CEP128: variants seen among roughly 807,000 people sequenced by gnomAD.
The protein encoded by CEP128 is centrosomal protein 128.
A neutral mutation model predicts 156.7 loss-of-function variants in CEP128; 132 were observed. The ratio of observed to expected loss-of-function variants is 0.84; its 90% CI spans 0.73 to 0.97. The LOEUF is 0.97. Ranked by LOEUF, CEP128 falls within the 50% of genes least tolerant of loss-of-function variation. CEP128 has a pLI of 0.00. For synonymous variants in CEP128, 469 were observed against 448.9 expected (o/e 1.04, Z -0.57); for missense variants, 1,252 against 1,281.9 (o/e 0.98, Z 0.36).
chr14:80,663,049 T>C (rs1566841893), intron 19 of CEP128, among the ~76,000 whole-genome samples: 1 of 152,226 alleles, frequency 6.6e-6, no homozygotes, highest in Non-Finnish European at 1.5e-5. Context: ...ATTCTATCAC[T>C]GTATTATGTT....
chr14:80,713,576 C>T (rs1897491679), intron 19 of CEP128, among the ~76,000 whole-genome samples: 1 of 151,982 alleles, frequency 6.6e-6, no homozygotes, highest in African/African-American at 2.4e-5. Context: ...TATACAGCAA[C>T]ACATACAAAG....
chr14:80,520,883 C>T (rs551936566), intron 23 of CEP128, among the ~76,000 whole-genome samples: 1 of 152,044 alleles, frequency 6.6e-6, no homozygotes, highest in East Asian at 1.9e-4. Flanking sequence ...AGTGCAGTGG[C>T]ACGATCTCGG....
At chr14:80,875,801 G>A (rs1375789020) in intron 8 of CEP128, among the ~76,000 whole-genome samples, 2 of 152,124 alleles carry the variant, frequency 1.3e-5, no homozygotes, top group Admixed American at 6.5e-5. Flanking sequence ...TTTAAAATAT[G>A]TTCTTAAGGT....
At chr14:80,897,448 T>C (rs993020143) in intron 7 of CEP128, among the ~76,000 whole-genome samples, 9 of 152,206 alleles carry the variant, frequency 5.9e-5, no homozygotes, top group African/African-American at 2.2e-4. Flanking sequence ...AGCTCCATAG[T>C]AAATATCCAG....
chr14:80,536,802 G>C (rs1049216821), intron 21 of CEP128, among the ~76,000 whole-genome samples: 1 of 152,202 alleles, frequency 6.6e-6, no homozygotes, highest in African/African-American at 2.4e-5. Flanking sequence ...GTTCAAAGTT[G>C]TGTGTATTTC....
At chr14:80,584,152 T>C (rs545138419) in intron 19 of CEP128, among the ~76,000 whole-genome samples, 1 of 113,612 alleles carries the variant, frequency 8.8e-6, no homozygotes, top group African/African-American at 4.0e-5. Flanking sequence ...TTTTTTTTTT[T>C]TTTTTTTTTT....
At chr14:80,929,159 C>T (rs1885309162) in intron 2 of CEP128, among the ~76,000 whole-genome samples, 1 of 151,946 alleles carries the variant, frequency 6.6e-6, no homozygotes, top group Non-Finnish European at 1.5e-5. Flanking sequence ...CAAATGAAAG[C>T]CACAATAAGA....
rs772973972 is a variant in CEP128, at chr14:80,496,933, G to A, written c.*546C>T. On this transcript the variant is annotated 3_prime_UTR_variant, in exon 25 of 25. Transcript: ENST00000555265. ...CAGCTACGGTATGCAGTTGTGGACT[G>A]TTAAGATGATAGATATAAAAGTCCT... is the stretch of plus-strand genomic sequence containing the variant. 6.6e-6 allele frequency: 1 copy of A among 152,406 alleles called. No individual in the cohort carries two copies. The highest frequency in any genetic ancestry group is 1.5e-5 in the Non-Finnish European group (1 of 68,230). The allele number at this position is 152,406 out of a possible 1,614,324, so 9.4% of individuals were successfully genotyped here.
intron 16 of CEP128, among the ~76,000 whole-genome samples, chr14:80,767,002 T>A (rs527573375): frequency 3.3e-5 from 5 of 152,142 alleles, no homozygotes; most frequent in Non-Finnish European, 7.4e-5. Flanking sequence ...CTGTTATGCC[T>A]AAGCTTTAAA....
intron 8 of CEP128, among the ~76,000 whole-genome samples, chr14:80,867,026 TA>T (rs993241354): frequency 4.6e-5 from 7 of 152,338 alleles, no homozygotes; most frequent in Admixed American, 3.3e-4. Context: ...TCTCAGTATA[TA>T]TTTTTTTTCT....
intron 19 of CEP128, among the ~76,000 whole-genome samples, chr14:80,636,673 A>G (rs528165318): frequency 6.6e-6 from 1 of 152,148 alleles, no homozygotes; most frequent in South Asian, 2.1e-4. Flanking sequence ...CACCATTTCC[A>G]TTACTATTGT....
chr14:80,489,381 C>T (rs1887248198), downstream of CEP128, among the ~76,000 whole-genome samples: 1 of 151,898 alleles, frequency 6.6e-6, no homozygotes, highest in African/African-American at 2.4e-5. Context: ...CACAGAGCCC[C>T]TTCTAACTGG....
intron 9 of CEP128, among the ~76,000 whole-genome samples, chr14:80,858,838 C>T (rs1887353176): frequency 6.6e-6 from 1 of 152,070 alleles, no homozygotes; most frequent in Non-Finnish European, 1.5e-5. Flanking sequence ...AAATCAAAAC[C>T]ACAATGAGAT....
intron 19 of CEP128, among the ~76,000 whole-genome samples, chr14:80,695,084 T>C (rs1458222398): frequency 6.6e-6 from 1 of 152,012 alleles, no homozygotes; most frequent in Non-Finnish European, 1.5e-5. Context: ...GTGGAGATGT[T>C]TCCAAGGGAA....
chr14:80,642,441 G>A (rs1894457210), intron 19 of CEP128, among the ~76,000 whole-genome samples: 3 of 152,172 alleles, frequency 2.0e-5, no homozygotes, highest in Non-Finnish European at 4.4e-5. Flanking sequence ...CCCAGACTTT[G>A]AGAGGCCAAT....
At chr14:80,601,340 G>A (rs568174604) in intron 19 of CEP128, among the ~76,000 whole-genome samples, 4 of 152,240 alleles carry the variant, frequency 2.6e-5, no homozygotes, top group African/African-American at 9.6e-5. Flanking sequence ...TGCAAACATC[G>A]TAGAACAGGG....
intron 19 of CEP128, among the ~76,000 whole-genome samples, chr14:80,622,989 G>A (rs1276222150): frequency 6.6e-6 from 1 of 152,090 alleles, no homozygotes; most frequent in African/African-American, 2.4e-5. Flanking sequence ...AAATCATGCT[G>A]CTATAAAGAC....
At chr14:80,557,696 C>T (rs963102362) in intron 21 of CEP128, among the ~76,000 whole-genome samples, 2 of 152,126 alleles carry the variant, frequency 1.3e-5, no homozygotes. Context: ...TCCATAGGGT[C>T]TGGACATCGT....
At chr14:80,578,299 G>A (rs1309887849) in intron 20 of CEP128, among the ~76,000 whole-genome samples, 2 of 152,062 alleles carry the variant, frequency 1.3e-5, no homozygotes, top group Admixed American at 6.6e-5. Flanking sequence ...TGAGTAAATG[G>A]AGTACCTCAT....
Sources: gnomAD v4.1 joint callset for allele counts (sites outside exome capture counted in the v4.1 genomes callset) on GRCh38, gnomAD v4.1.1 for gene constraint, MANE v1.5 for transcripts, NCBI Gene and HGNC (gene_info 2026-07-23, HGNC 2026-07-21) for gene names.